Variants in CACNA1G observed in about 807,000 individuals in gnomAD.
CACNA1G encodes calcium voltage-gated channel subunit alpha1 G, also known as voltage-dependent T-type calcium channel subunit alpha-1G.
In CACNA1G, 67 loss-of-function variants were observed where a neutral mutation model predicts 219.4. That is an observed-to-expected ratio of 0.31 (90% confidence interval 0.25 to 0.37). The LOEUF (loss-of-function observed/expected upper bound fraction) is 0.37. Ranked by LOEUF, CACNA1G falls within the 10% of genes least tolerant of loss-of-function variation. The pLI, the probability that CACNA1G is intolerant of heterozygous loss-of-function variation, is 1.00. For missense variants in CACNA1G, 2,380 were observed against 3,231.4 expected, an observed-to-expected ratio of 0.74 and a Z score of 6.39; for synonymous variants, 1,296 against 1,345.3, an observed-to-expected ratio of 0.96 and a Z score of 0.80.
intron 1 of CACNA1G, among the ~76,000 whole-genome samples, chr17:50,567,465 C>T (rs2038216237): frequency 6.6e-6 from 1 of 152,020 alleles, no homozygotes; most frequent in Non-Finnish European, 1.5e-5. Flanking sequence ...TGGGCTATGG[C>T]TGGGACCAGC....
At chr17:50,613,864 G>A (rs889514098) in intron 26 of CACNA1G, among the ~76,000 whole-genome samples, 1 of 145,418 alleles carries the variant, frequency 6.9e-6, no homozygotes, top group African/African-American at 2.5e-5. Context: ...TGGATGACCC[G>A]TAGCCTCCTG....
chr17:50,622,186 C>T (rs1273763383), intron 35 of CACNA1G, among the ~76,000 whole-genome samples: 1 of 148,488 alleles, frequency 6.7e-6, no homozygotes, highest in African/African-American at 2.5e-5. Flanking sequence ...CCCACCCCAC[C>T]CCACCCCCCA....
chr17:50,612,525 C>G (rs1006108942), intron 26 of CACNA1G, among the ~76,000 whole-genome samples: 1 of 152,358 alleles, frequency 6.6e-6, no homozygotes, highest in African/African-American at 2.4e-5. Context: ...TCCACCAGGC[C>G]GGGACCCAGT....
rs1283898811 is a variant in CACNA1G at position 50,621,597 on chromosome 17, C to T, written c.5926-63C>T. The T allele has an allele frequency of 1.3e-5, 20 of 1,571,138 alleles. No individual in the cohort carries two copies. In the African/African-American group the frequency reaches 1.5e-4, roughly 12 times the overall value. ...GGGACTGAGAGAGAGCGCGTGTGTG[C>T]GTGTGCACGCGCGTGTGCGCTGTCC... On this transcript the variant is annotated intron_variant, in intron 34 of 37. Transcript: ENST00000359106. The surrounding 1 kb of genome is among the most constrained non-coding windows in gnomAD (Gnocchi z 4.6).
rs1377081730 is a variant in CACNA1G at position 50,571,301 on chromosome 17, C to T, written c.587-577C>T. On this transcript the variant is annotated intron_variant, in intron 4 of 37. Transcript: ENST00000359106. This position sits in a 1 kb window ranked among gnomAD's most constrained non-coding sequence, Gnocchi z 4.3. ...AGGAGCTGGCTCTCAAAATGAGATT[C>T]CTGCCTGCTGTCATTCCTCCTGGAG... 6.6e-6 allele frequency among the ~76,000 whole-genome samples: 1 copy of T among 152,190 alleles called. No homozygotes were observed. Among genetic ancestry groups the T allele is most frequent in the Non-Finnish European group, 1.5e-5 (1 of 68,034 alleles).
chr17:50,565,386 GC>G lies in CACNA1G; in HGVS notation c.243-3483del, dbSNP rs200823347. On this transcript the variant is annotated intron_variant, in intron 1 of 37. Transcript: ENST00000359106. ...CAGGGAAATAGGCTTGTGGGGTGGG[GC>G]GGGGGGTTCTGCTGGGGGAATCCCC... is the stretch of plus-strand genomic sequence containing the variant. Among the ~76,000 whole-genome samples, 1,032 of 143,220 alleles carry G rather than the reference GC, an allele frequency of 7.2e-3. 25 individuals carry two copies. The highest frequency in any genetic ancestry group is 0.023 in the African/African-American group (924 of 39,738). 94.0% of individuals were successfully genotyped at this position (143,220 alleles called of 152,430 possible). A position where few individuals can be genotyped will look rare whatever the true frequency, so the allele number is the denominator to read the frequency against.
At chr17:50,572,928 C>T in intron 6 of CACNA1G, 74 bp downstream of exon 6, 1 of 1,577,156 alleles carries the variant, frequency 6.3e-7, no homozygotes, top group East Asian at 2.2e-5. Context: ...GGAGTGGTCG[C>T]TCTCAGGGTT....
chr17:50,624,607 T>C, intron 37 of CACNA1G, 78 bp downstream of exon 37: 1 of 1,308,032 alleles, frequency 7.6e-7, no homozygotes, highest in Non-Finnish European at 1.0e-6. Flanking sequence ...GTTGACACTT[T>C]CATTCTTCCA....
At chr17:50,569,648 T>C in intron 3 of CACNA1G, 58 bp from the exon 4 acceptor site, 1 of 1,248,442 alleles carries the variant, frequency 8.0e-7, no homozygotes, top group Non-Finnish European at 1.1e-6. Flanking sequence ...CATTGACCTC[T>C]TTTGACCCCA....
chr17:50,595,203 G>A, intron 14 of CACNA1G, 142 bp downstream of exon 14: 1 of 669,470 alleles, frequency 1.5e-6, no homozygotes, highest in Admixed American at 2.4e-5. Flanking sequence ...GTGTTGTGAG[G>A]TTTGCTTCGA....
intron 26 of CACNA1G, 92 bp from the exon 27 acceptor site, chr17:50,615,269 G>A (rs550732727): frequency 5.1e-5 from 64 of 1,251,418 alleles, no homozygotes; most frequent in Middle Eastern, 2.9e-4. Context: ...CAGTTCTGGC[G>A]TTAGAGGCTG....
intron 28 of CACNA1G, 117 bp downstream of exon 28, chr17:50,616,501 G>A (rs2050634709): frequency 8.1e-6 from 5 of 618,800 alleles, no homozygotes; most frequent in Non-Finnish European, 2.8e-6. Context: ...CTGAGGTTCA[G>A]CCCCCACCCT....
intron 36 of CACNA1G, 58 bp downstream of exon 36, chr17:50,624,133 A>G: frequency 6.4e-7 from 1 of 1,573,518 alleles, no homozygotes; most frequent in East Asian, 2.3e-5. Flanking sequence ...TCCTGGCCTA[A>G]GCCAGTCCTG....
At chr17:50,563,257 T>A (rs1186337828) in intron 1 of CACNA1G, 1 of 152,278 alleles carries the variant, frequency 6.6e-6, no homozygotes, top group Non-Finnish European at 1.5e-5. Context: ...TGCCCCTTCT[T>A]CCTTTCTCTC....
intron 26 of CACNA1G, among the ~76,000 whole-genome samples, chr17:50,610,873 A>G (rs150247047): frequency 1.3e-5 from 2 of 152,334 alleles, no homozygotes; most frequent in African/African-American, 4.8e-5. Flanking sequence ...AAATGATGGC[A>G]AAGAAAGACC....
rs1400585847 is a variant in CACNA1G at position 50,599,844 on chromosome 17, T to C, written c.3675T>C (p.Asp1225=). The part of the protein sequence containing the change: ...DDPPLDGDDA[D]DEGNLSKGER... The stretch of plus-strand genomic sequence containing the variant: ...CCCCACTGGATGGGGATGACGCCGA[T>C]GACGAGGGCAACCTGGTGAGGCCCC... The change falls in exon 17 of 38, where the codon GAT becomes GAC. Residue 1225 remains aspartate, a synonymous_variant. Coordinates refer to ENST00000359106, the MANE Select transcript of CACNA1G (RefSeq NM_018896.5). 6.2e-7 allele frequency: 1 copy of C among 1,607,312 alleles called. No individual in the cohort carries two copies. Among genetic ancestry groups the C allele is most frequent in the Admixed American group, 1.7e-5 (1 of 59,978 alleles).
At chr17:50,613,904 A>T (rs1164341953) in intron 26 of CACNA1G, among the ~76,000 whole-genome samples, 1 of 149,432 alleles carries the variant, frequency 6.7e-6, no homozygotes, top group African/African-American at 2.5e-5. Flanking sequence ...CTCCAGCCCC[A>T]CACTCTTGGG....
rs747028553 is a variant in CACNA1G, at chr17:50,590,576, A to C, written c.2407A>C (p.Ile803Leu). ...KLLVYGPFGY[I>L]KNPYNIFDGV... is the part of the protein sequence containing the mutation. ...GCTTGTGTATGGTCCCTTTGGCTAC[A>C]TCAAGAATCCCTACAACATCTTCGA... Residue 803 changes from isoleucine to leucine, a missense_variant, in exon 10 of 38, where the codon ATC (isoleucine) becomes CTC (leucine). Transcript: ENST00000359106. 1.2e-5 allele frequency: 19 copies of C among 1,613,844 alleles called. No homozygotes were observed. In the Admixed American group the frequency reaches 2.0e-4, roughly 17 times the overall value.
chr17:50,602,914 G>C, intron 20 of CACNA1G, 26 bp downstream of exon 20: 1 of 1,612,216 alleles, frequency 6.2e-7, no homozygotes. Flanking sequence ...GTTGGCTTGG[G>C]ACCTCTGGTT....
Sources: allele counts gnomAD v4.1 joint callset (sites outside exome capture counted in the v4.1 genomes callset), GRCh38; gene constraint gnomAD v4.1.1; non-coding constraint Gnocchi (gnomAD v3.1); transcripts MANE v1.5; gene names NCBI Gene and HGNC (gene_info 2026-07-23, HGNC 2026-07-21).